TFEC: variants seen among roughly 807,000 people sequenced by gnomAD.
The protein encoded by TFEC is transcription factor EC.
A neutral mutation model predicts 41.6 loss-of-function variants in TFEC; 31 were observed. The observed-to-expected ratio is 0.74, with a 90% confidence interval of 0.56 to 1.01. The LOEUF (loss-of-function observed/expected upper bound fraction) is 1.01, where lower values mean the gene tolerates loss of function less well. Among genes scored for constraint, TFEC ranks in the 50% least tolerant of loss-of-function variants. The pLI, the probability that TFEC is intolerant of heterozygous loss-of-function variation, is 0.00. For synonymous variants in TFEC, 143 were observed against 140.6 expected, an observed-to-expected ratio of 1.02 and a Z score of -0.12; for missense variants, 402 against 404.1, an observed-to-expected ratio of 0.99 and a Z score of 0.04.
intron 1 of TFEC, among the ~76,000 whole-genome samples, chr7:116,011,497 C>A (rs2130815607): frequency 6.6e-6 from 1 of 152,216 alleles, no homozygotes; most frequent in East Asian, 1.9e-4. Flanking sequence ...TGTATGCTAT[C>A]TATTGAAGAA....
At chr7:116,000,551 C>T (rs563934829) in intron 1 of TFEC, among the ~76,000 whole-genome samples, 18 of 152,218 alleles carry the variant, frequency 1.2e-4, no homozygotes, top group African/African-American at 4.3e-4. Flanking sequence ...AACCTAAAGA[C>T]TCCACACAAA....
At chr7:116,055,382 A>G (rs1342087663) in intron 3 of TFEC, among the ~76,000 whole-genome samples, 8 of 152,086 alleles carry the variant, frequency 5.3e-5, no homozygotes, top group African/African-American at 1.9e-4. Flanking sequence ...AATTATATAG[A>G]CAAAATCATG....
intron 1 of TFEC, among the ~76,000 whole-genome samples, chr7:116,155,949 TG>T (rs895448168): frequency 6.6e-6 from 1 of 152,182 alleles, no homozygotes; most frequent in African/African-American, 2.4e-5. Flanking sequence ...TTACAGAGTT[TG>T]GGGCGTAAAT....
intron 4 of TFEC, among the ~76,000 whole-genome samples, chr7:115,955,989 C>A (rs1035102780): frequency 6.6e-6 from 1 of 151,878 alleles, no homozygotes; most frequent in Non-Finnish European, 1.5e-5. Flanking sequence ...TTTATTCTTA[C>A]GGAGGATCTA....
intron 3 of TFEC, among the ~76,000 whole-genome samples, chr7:116,077,480 G>A (rs751572127): frequency 3.3e-5 from 5 of 151,994 alleles, no homozygotes; most frequent in African/African-American, 4.8e-5. Context: ...AATACAGAAT[G>A]GCTGAACGGA....
chr7:115,935,850 C>T lies in TFEC; in HGVS notation c.*4701G>A, dbSNP rs570875225. On this transcript the variant is annotated 3_prime_UTR_variant, in exon 8 of 8. Transcript: ENST00000265440. Reference sequence around the variant, plus strand: ...TACAGAGAATTTCATCAGTAGAAAACACAATAGAAGTCATCTGATTATGCA... The same window carrying T: ...TACAGAGAATTTCATCAGTAGAAAATACAATAGAAGTCATCTGATTATGCA... 2.6e-5 allele frequency: 4 copies of T among 151,560 alleles called. No homozygotes were observed. In the East Asian group the frequency reaches 7.7e-4, roughly 29 times the overall value. The allele number at this position is 151,560 out of a possible 1,614,324, so 9.4% of individuals were successfully genotyped here. A position where few individuals can be genotyped will look rare whatever the true frequency, so the allele number is the denominator to read the frequency against.
At chr7:116,032,598 G>A (rs1795812284), upstream of TFEC, among the ~76,000 whole-genome samples, 1 of 152,058 alleles carries the variant, frequency 6.6e-6, no homozygotes, top group Admixed American at 6.6e-5. Context: ...ACCAAATATT[G>A]CATCTTCTCT....
At chr7:115,988,753 C>T in intron 1 of TFEC, among the ~76,000 whole-genome samples, 1 of 151,638 alleles carries the variant, frequency 6.6e-6, no homozygotes, top group African/African-American at 2.4e-5. Context: ...AGAACAAATG[C>T]CAAATGAAAA....
chr7:115,956,481 G>C (rs1427290676), intron 4 of TFEC, among the ~76,000 whole-genome samples, 198 bp downstream of exon 4: 1 of 151,746 alleles, frequency 6.6e-6, no homozygotes, highest in Non-Finnish European at 1.5e-5. Context: ...CCAAAATAAT[G>C]AATCAATTCA....
intron 1 of TFEC, among the ~76,000 whole-genome samples, chr7:116,115,476 T>C (rs751881448): frequency 1.2e-4 from 19 of 152,054 alleles, no homozygotes; most frequent in Middle Eastern, 3.4e-3. Context: ...CTTTGGCTTG[T>C]GGCCCCTTCC....
intron 3 of TFEC, among the ~76,000 whole-genome samples, chr7:116,106,543 C>A (rs992850558): frequency 6.6e-6 from 1 of 152,098 alleles, no homozygotes; most frequent in African/African-American, 2.4e-5. Context: ...CCACTACGCC[C>A]AGCTAATTTT....
At chr7:116,133,687 T>TG (rs5886807) in intron 1 of TFEC, among the ~76,000 whole-genome samples, 56,123 of 151,934 alleles carry the variant, frequency 0.37, 10,602 homozygotes, top group East Asian at 0.58. Context: ...CTGACTGAAT[T>TG]TTCTTTGAAA....
At chr7:116,098,760 T>C (rs80230032) in intron 3 of TFEC, among the ~76,000 whole-genome samples, 23,700 of 152,038 alleles carry the variant, frequency 0.16, 1,999 homozygotes, top group East Asian at 0.33. Context: ...AAATATCATT[T>C]AAATGAATAC....
chr7:116,020,260 T>A (rs1369661391), intron 1 of TFEC, among the ~76,000 whole-genome samples: 1 of 152,214 alleles, frequency 6.6e-6, no homozygotes, highest in Non-Finnish European at 1.5e-5. Flanking sequence ...TTAACATTTT[T>A]TTTCTAAATG....
Position 116,129,586 on chromosome 7 carries a change from CTTTT to C in TFEC, c.-68-17552_-68-17549del, listed in dbSNP as rs932837265. Among the ~76,000 whole-genome samples the C allele has an allele frequency of 7.5e-5, 8 of 106,884 alleles. No individual in the cohort carries two copies. In the South Asian group the frequency reaches 1.2e-3, roughly 16 times the overall value. 70.1% of individuals were successfully genotyped at this position (106,884 alleles called of 152,430 possible). A position where few individuals can be genotyped will look rare whatever the true frequency, so the allele number is the denominator to read the frequency against. ...TACCTTTGTATTCCCAATATTCTTA[CTTTT>C]TTTTTTTTTTTTTTTTTTTTGACAC... On this transcript the variant is annotated intron_variant, in intron 1 of 8. Coordinates refer to the TFEC transcript ENST00000484212.
chr7:116,103,932 G>A (rs1335438610), intron 3 of TFEC, among the ~76,000 whole-genome samples: 2 of 152,078 alleles, frequency 1.3e-5, no homozygotes, highest in Admixed American at 1.3e-4. Context: ...CAGAAGAGGA[G>A]ACATACAAGA....
chr7:116,102,193 T>G (rs1357152831), intron 3 of TFEC, among the ~76,000 whole-genome samples: 1 of 152,188 alleles, frequency 6.6e-6, no homozygotes, highest in Non-Finnish European at 1.5e-5. Context: ...AGAAATTGCC[T>G]AAGGATCAAC....
At chr7:116,001,226 T>C (rs576943131) in intron 1 of TFEC, among the ~76,000 whole-genome samples, 5 of 152,142 alleles carry the variant, frequency 3.3e-5, no homozygotes, top group Non-Finnish European at 5.9e-5. Flanking sequence ...TAAATGATGC[T>C]GGGAAAATTA....
chr7:115,969,958 G>A (rs368467246), intron 3 of TFEC, among the ~76,000 whole-genome samples: 10 of 152,062 alleles, frequency 6.6e-5, no homozygotes, highest in Middle Eastern at 3.4e-3. Flanking sequence ...AGATTTTGGA[G>A]GAAGGACTTC....
Sources: gnomAD v4.1 joint callset for allele counts (sites outside exome capture counted in the v4.1 genomes callset) on GRCh38, gnomAD v4.1.1 for gene constraint, MANE v1.5 for transcripts, NCBI Gene and HGNC (gene_info 2026-07-23, HGNC 2026-07-21) for gene names.